FAF1: variants seen among roughly 807,000 people sequenced by gnomAD.
The protein encoded by FAF1 is Fas associated factor 1, also known as FAS-associated factor 1.
A neutral mutation model predicts 92.5 loss-of-function variants in FAF1; 25 were observed. That is an observed-to-expected ratio of 0.27 (90% confidence interval 0.20 to 0.38). FAF1 has a LOEUF of 0.38. Among genes scored for constraint, FAF1 ranks in the 10% least tolerant of loss-of-function variants. FAF1 has a pLI of 1.00. For missense variants in FAF1, 636 were observed against 793.3 expected (o/e 0.80, Z 2.38); for synonymous variants, 234 against 273.2 (o/e 0.86, Z 1.42).
intron 8 of FAF1, among the ~76,000 whole-genome samples, chr1:50,638,490 G>A (rs1364704300): frequency 2.0e-5 from 3 of 149,096 alleles, no homozygotes; most frequent in African/African-American, 7.4e-5. Context: ...TGTTGCTCAG[G>A]CTGGAGTGCA....
intron 8 of FAF1, among the ~76,000 whole-genome samples, chr1:50,649,785 CAAAAAAAA>C (rs535636319): frequency 1.4e-5 from 1 of 72,952 alleles, no homozygotes; most frequent in Non-Finnish European, 2.9e-5. Flanking sequence ...ACTAAAACTA[CAAAAAAAA>C]AAAAAAAAGA....
intron 15 of FAF1, among the ~76,000 whole-genome samples, chr1:50,499,983 G>A (rs867388956): frequency 6.6e-6 from 1 of 152,034 alleles, no homozygotes; most frequent in South Asian, 2.1e-4. Flanking sequence ...TCTGTATGTC[G>A]AACATCATAA....
chr1:50,706,616 C>T (rs548788528), intron 6 of FAF1, among the ~76,000 whole-genome samples: 56 of 152,160 alleles, frequency 3.7e-4, no homozygotes, highest in Middle Eastern at 3.4e-3. Context: ...AAATATGCTA[C>T]TAAAATGTAT....
At chr1:50,520,462 T>G (rs1647439471) in intron 15 of FAF1, among the ~76,000 whole-genome samples, 1 of 152,240 alleles carries the variant, frequency 6.6e-6, no homozygotes, top group Non-Finnish European at 1.5e-5. Context: ...TTTACACTAT[T>G]TCTTTGCTCA....
At chr1:50,871,990 G>A (rs1392040268) in intron 1 of FAF1, among the ~76,000 whole-genome samples, 16 of 151,116 alleles carry the variant, frequency 1.1e-4, no homozygotes, top group African/African-American at 2.7e-4. Flanking sequence ...GCATGAACCC[G>A]GGAGGCGGAG....
intron 3 of FAF1, among the ~76,000 whole-genome samples, chr1:50,797,119 G>A (rs1297101462): frequency 6.6e-6 from 1 of 152,110 alleles, no homozygotes; most frequent in Non-Finnish European, 1.5e-5. Flanking sequence ...CTGGGTGACA[G>A]AGTGAGACCT....
intron 3 of FAF1, among the ~76,000 whole-genome samples, chr1:50,791,780 T>C (rs1227912858): frequency 5.3e-5 from 8 of 152,202 alleles, no homozygotes; most frequent in Admixed American, 2.6e-4. Flanking sequence ...TTTTTGCTCT[T>C]TCAGTCTTCT....
At chr1:50,517,202 A>G (rs1187208895) in intron 15 of FAF1, among the ~76,000 whole-genome samples, 1 of 152,178 alleles carries the variant, frequency 6.6e-6, no homozygotes, top group Non-Finnish European at 1.5e-5. Context: ...TCATTTGCAA[A>G]TCTTTTTCCC....
intron 1 of FAF1, among the ~76,000 whole-genome samples, chr1:50,944,771 A>T (rs1185034568): frequency 6.6e-6 from 1 of 152,250 alleles, no homozygotes; most frequent in Non-Finnish European, 1.5e-5. Context: ...CCTAGCTGCC[A>T]CATAGAAGAT....
chr1:50,690,523 C>A (rs1656872587), intron 7 of FAF1, among the ~76,000 whole-genome samples: 1 of 152,006 alleles, frequency 6.6e-6, no homozygotes, highest in Non-Finnish European at 1.5e-5. Flanking sequence ...ATCGCTTGAA[C>A]CTGGGAGGCG....
At chr1:50,701,175 T>A (rs1657458106) in intron 7 of FAF1, among the ~76,000 whole-genome samples, 1 of 152,116 alleles carries the variant, frequency 6.6e-6, no homozygotes, top group Non-Finnish European at 1.5e-5. Context: ...ATTTCAAATT[T>A]TAAAAAATCA....
intron 1 of FAF1, among the ~76,000 whole-genome samples, chr1:50,890,303 G>A (rs943917312): frequency 1.3e-5 from 2 of 152,094 alleles, no homozygotes; most frequent in South Asian, 2.1e-4. Flanking sequence ...GATGGATCTT[G>A]ACTCTTTATC....
intron 1 of FAF1, among the ~76,000 whole-genome samples, chr1:50,866,157 T>C (rs1168962448): frequency 6.6e-6 from 1 of 152,084 alleles, no homozygotes; most frequent in Non-Finnish European, 1.5e-5. Flanking sequence ...CATTTCTCTG[T>C]GATTAAAACC....
At position 50,676,464 on chromosome 1, in the gene FAF1, T is replaced by TA. The variant is rs202132117; in HGVS notation, c.658-20937dup. On this transcript the variant is annotated intron_variant, in intron 7 of 18. Coordinates refer to ENST00000396153, the MANE Select transcript of FAF1 (RefSeq NM_007051.3). ...CTAATTTATTTGCCACTTATTTCAG[T>TA]AAAAAAAAAGAAAAATGTAAATATT... 5.8e-3 allele frequency among the ~76,000 whole-genome samples: 852 copies of TA among 148,166 alleles called. 5 individuals carry two copies. The highest frequency in any genetic ancestry group is 5.5e-3 in the Non-Finnish European group (364 of 66,754).
chr1:50,586,357 CACTTTTTAAA>C (rs1651232125), intron 9 of FAF1, among the ~76,000 whole-genome samples: 1 of 152,068 alleles, frequency 6.6e-6, no homozygotes, highest in African/African-American at 2.4e-5. Flanking sequence ...CCCCATGAAA[CACTTTTTAAA>C]ACTGCTCATC....
chr1:50,724,866 A>T (rs138491704), intron 6 of FAF1, among the ~76,000 whole-genome samples: 1 of 152,174 alleles, frequency 6.6e-6, no homozygotes, highest in Non-Finnish European at 1.5e-5. Flanking sequence ...AAAGCTTACC[A>T]TGAGATCTCT....
At chr1:50,726,267 A>G (rs1301090116) in intron 6 of FAF1, among the ~76,000 whole-genome samples, 2 of 152,070 alleles carry the variant, frequency 1.3e-5, no homozygotes, top group Non-Finnish European at 2.9e-5. Context: ...AAAAAATAAT[A>G]ATAATAAATA....
intron 1 of FAF1, among the ~76,000 whole-genome samples, chr1:50,911,878 T>TA (rs1350161101): frequency 3.3e-5 from 5 of 151,440 alleles, no homozygotes; most frequent in Admixed American, 6.6e-5. Flanking sequence ...ACAAAAAACA[T>TA]ACAGAAAAAT....
chr1:50,720,430 T>G (rs1658360589), intron 6 of FAF1, among the ~76,000 whole-genome samples: 1 of 152,228 alleles, frequency 6.6e-6, no homozygotes, highest in East Asian at 1.9e-4. Flanking sequence ...TCTTGAGAAA[T>G]GAAATTACTT....
Sources: gnomAD v4.1 joint callset for allele counts (sites outside exome capture counted in the v4.1 genomes callset) on GRCh38, gnomAD v4.1.1 for gene constraint, MANE v1.5 for transcripts, NCBI Gene and HGNC (gene_info 2026-07-23, HGNC 2026-07-21) for gene names.